The following COL4A2 variants were observed in gnomAD, a reference collection of about 807,000 sequenced individuals.
COL4A2 encodes the protein collagen alpha-2(IV) chain.
COL4A2 carries 99 observed loss-of-function variants against 200.2 expected under a neutral mutation model. The ratio of observed to expected loss-of-function variants is 0.49; its 90% CI spans 0.42 to 0.58. COL4A2 has a LOEUF of 0.58. Ranked by LOEUF, COL4A2 falls within the 20% of genes least tolerant of loss-of-function variation. COL4A2 has a pLI of 0.00. For synonymous variants in COL4A2, 897 were observed against 900.6 expected, an observed-to-expected ratio of 1.00 and a Z score of 0.07; for missense variants, 1,950 against 2,314.1, an observed-to-expected ratio of 0.84 and a Z score of 3.23.
intron 3 of COL4A2, among the ~76,000 whole-genome samples, chr13:110,355,013 A>G (rs947910517): frequency 1.3e-5 from 2 of 152,372 alleles, no homozygotes; most frequent in East Asian, 3.9e-4. Context: ...GGAGTCCCCA[A>G]GTGATAGTCC....
chr13:110,458,794 A>G lies in COL4A2; in HGVS notation c.1456A>G (p.Thr486Ala). Residue 486 changes from threonine (T) to alanine (A), a missense_variant, in exon 22 of 48, where the codon ACA becomes GCA. By Grantham distance (58) the Thr-to-Ala change is moderately conservative. Transcript: ENST00000360467. ...AGGTGACGCTGGGGAATGCAGATGT[A>G]CAGAAGGCGACGAAGCTATCAAAGG... ...WKGDAGECRCTEGDEAIKGLP... is the reference protein window; with the variant it reads ...WKGDAGECRCAEGDEAIKGLP... The G allele has an allele frequency of 6.2e-7, 1 of 1,614,078 alleles. No homozygotes were observed. The highest frequency in any genetic ancestry group is 1.3e-5 in the African/African-American group (1 of 75,034).
chr13:110,340,189 C>G (rs540740974), intron 3 of COL4A2, among the ~76,000 whole-genome samples: 5 of 152,254 alleles, frequency 3.3e-5, no homozygotes, highest in African/African-American at 1.2e-4. Flanking sequence ...CTGATCTCAG[C>G]TCACTGCAGC....
intron 4 of COL4A2, among the ~76,000 whole-genome samples, chr13:110,357,990 G>C (rs748572508): frequency 4.6e-5 from 7 of 152,132 alleles, no homozygotes; most frequent in Non-Finnish European, 1.0e-4. Flanking sequence ...CTGGGTCTTA[G>C]GCGGCCCTAA....
intron 3 of COL4A2, among the ~76,000 whole-genome samples, chr13:110,330,289 G>A (rs1875846307): frequency 1.3e-5 from 2 of 152,288 alleles, no homozygotes; most frequent in Admixed American, 6.5e-5. Flanking sequence ...CGATTAGAAG[G>A]GGTAAGGTTT....
intron 40 of COL4A2, among the ~76,000 whole-genome samples, chr13:110,499,804 CAGTTA>C (rs1166686806): frequency 6.6e-6 from 1 of 152,222 alleles, no homozygotes; most frequent in East Asian, 1.9e-4. Context: ...CTCATCACTG[CAGTTA>C]AGTTAATTAT....
intron 4 of COL4A2, among the ~76,000 whole-genome samples, chr13:110,418,524 A>T (rs535527728): frequency 1.3e-5 from 2 of 152,346 alleles, no homozygotes; most frequent in East Asian, 3.9e-4. Context: ...AAATGTCTGT[A>T]TATCAAGTGA....
chr13:110,428,568 G>A lies in COL4A2; in HGVS notation c.462G>A (p.Gly154=). 6.5e-7 allele frequency: 1 copy of A among 1,549,988 alleles called. No homozygotes were observed. Among genetic ancestry groups the A allele is most frequent in the Non-Finnish European group, 8.7e-7 (1 of 1,154,510 alleles). The stretch of plus-strand genomic sequence containing the variant: ...CACAGGGGCCCCCCGGCTCTGAGGG[G>A]TTCACCGGGCCTCCCGTGAGTATCC... The part of the protein sequence containing the change: ...SGPQGPPGSE[G]FTGPPGPQGP... The change falls in exon 7 of 48, where the codon GGG becomes GGA. Residue 154 remains glycine (G), a synonymous_variant. Coordinates refer to ENST00000360467, the MANE Select transcript of COL4A2 (RefSeq NM_001846.4).
chr13:110,328,576 C>A (rs1433976022), intron 3 of COL4A2: 1 of 152,220 alleles, frequency 6.6e-6, no homozygotes, highest in African/African-American at 2.4e-5. Flanking sequence ...GACACATTTA[C>A]CTTAATGGGC....
intron 30 of COL4A2, among the ~76,000 whole-genome samples, chr13:110,478,773 T>C (rs150191395): frequency 2.0e-5 from 3 of 151,732 alleles, no homozygotes; most frequent in Non-Finnish European, 4.4e-5. Flanking sequence ...TTCCCCCCTT[T>C]TTGTTTTGTC....
chr13:110,354,626 G>GTTT (rs58713084), intron 3 of COL4A2, among the ~76,000 whole-genome samples: 16,141 of 144,520 alleles, frequency 0.11, 2,591 homozygotes, highest in African/African-American at 0.36. Flanking sequence ...ACTTTTTGGA[G>GTTT]TTTTTTTTTT....
chr13:110,367,894 T>C (rs549233644), intron 4 of COL4A2, among the ~76,000 whole-genome samples: 26 of 152,314 alleles, frequency 1.7e-4, no homozygotes, highest in Non-Finnish European at 3.1e-4. Flanking sequence ...CAGATTTTAC[T>C]GTACACGTTC....
Position 110,511,989 on chromosome 13 carries a change from G to C in COL4A2, c.4937G>C (p.Cys1646Ser). The C allele has an allele frequency of 6.2e-7, 1 of 1,613,596 alleles. No homozygotes were observed. Among genetic ancestry groups the C allele is most frequent in the Non-Finnish European group, 8.5e-7 (1 of 1,180,048 alleles). Residue 1646 changes from cysteine to serine, a missense_variant, in exon 48 of 48, where the codon TGT becomes TCT. By Grantham distance (112) the Cys-to-Ser change is moderately radical (BLOSUM62 -1). This residue lies in a region of COL4A2 where 1,385 missense variants were observed against 1,720.5 expected (regional missense o/e 0.80). Transcript: ENST00000360467. ...GGQSLVSPGS[C>S]LEDFRATPFI... is the part of the protein sequence containing the mutation. ...CAATCACTGGTGTCACCGGGCAGCT[G>C]TCTAGAGGACTTCCGCGCCACACCA...
chr13:110,321,754 A>G (rs1885284076), intron 3 of COL4A2, among the ~76,000 whole-genome samples: 1 of 152,236 alleles, frequency 6.6e-6, no homozygotes, highest in African/African-American at 2.4e-5. Context: ...GAAGGCAAGG[A>G]GGAGCAAGTC....
At chr13:110,496,359 C>G (rs892517420) in intron 40 of COL4A2, among the ~76,000 whole-genome samples, 4 of 152,238 alleles carry the variant, frequency 2.6e-5, no homozygotes, top group African/African-American at 9.6e-5. Flanking sequence ...TGCCTGCCCT[C>G]TCCCCTCACC....
chr13:110,324,488 T>C (rs981560536), intron 3 of COL4A2, among the ~76,000 whole-genome samples: 1 of 152,336 alleles, frequency 6.6e-6, no homozygotes, highest in African/African-American at 2.4e-5. Flanking sequence ...TCTCTTCGCC[T>C]GAATGCATGA....
intron 31 of COL4A2, among the ~76,000 whole-genome samples, chr13:110,480,650 G>A (rs1882867753): frequency 6.6e-6 from 1 of 152,198 alleles, no homozygotes; most frequent in Non-Finnish European, 1.5e-5. Context: ...CTCCTGCCTG[G>A]GAAACATCGT....
intron 16 of COL4A2, among the ~76,000 whole-genome samples, chr13:110,443,532 A>G (rs1015926954): frequency 6.6e-6 from 1 of 152,224 alleles, no homozygotes; most frequent in Non-Finnish European, 1.5e-5. Context: ...AGAACTTCCT[A>G]TGAATCATAT....
chr13:110,478,572 G>A (rs72657976), intron 30 of COL4A2, among the ~76,000 whole-genome samples: 14,251 of 151,924 alleles, frequency 0.094, 900 homozygotes, highest in Middle Eastern at 0.14. Context: ...GGGGAGGCTC[G>A]GCTGCATGCC....
chr13:110,458,657 G>A lies in COL4A2; in HGVS notation c.1433-114G>A, dbSNP rs993283393. ...GTCATAGTGCCCATCAGAACAGGCA[G>A]TGTCCATAAAGCACCAAGTGTGCCA... On this transcript the variant is annotated intron_variant, in intron 21 of 47. Transcript: ENST00000360467. 3.2e-6 allele frequency: 4 copies of A among 1,262,602 alleles called. No individual in the cohort carries two copies. The African/African-American group carries it at 6.0e-5, about 19-fold the overall frequency. 78.2% of individuals were successfully genotyped at this position (1,262,602 alleles called of 1,614,324 possible). A position where few individuals can be genotyped will look rare whatever the true frequency, so the allele number is the denominator to read the frequency against.
Sources: allele counts gnomAD v4.1 joint callset (sites outside exome capture counted in the v4.1 genomes callset), GRCh38; gene constraint gnomAD v4.1.1; regional missense constraint gnomAD v4.1.1; transcripts MANE v1.5; gene names NCBI Gene and HGNC (gene_info 2026-07-23, HGNC 2026-07-21).